Variants in AKT3 observed in about 807,000 individuals in gnomAD.
The protein encoded by AKT3 is RAC-gamma serine/threonine-protein kinase.
A neutral mutation model predicts 65.3 loss-of-function variants in AKT3; 15 were observed. The ratio of observed to expected loss-of-function variants is 0.23; its 90% CI spans 0.15 to 0.35. The LOEUF is 0.35. AKT3 is among the 10% of genes least tolerant of loss of function. The probability of loss-of-function intolerance (pLI) is 1.00; values close to 1 mark genes in which losing one functional copy is unlikely to be tolerated. For missense variants in AKT3, 243 were observed against 576.5 expected, an observed-to-expected ratio of 0.42 and a Z score of 5.92; for synonymous variants, 206 against 183.8, an observed-to-expected ratio of 1.12 and a Z score of -0.98.
intron 6 of AKT3, among the ~76,000 whole-genome samples, chr1:243,632,903 T>C (rs766841542): frequency 6.6e-6 from 1 of 152,208 alleles, no homozygotes; most frequent in Non-Finnish European, 1.5e-5. Context: ...ATTGGGAGAA[T>C]TAAGGCCTTG....
At chr1:243,576,381 G>T (rs1264071615) in intron 8 of AKT3, among the ~76,000 whole-genome samples, 11 of 152,124 alleles carry the variant, frequency 7.2e-5, no homozygotes. Context: ...GGAAATGCTG[G>T]CCAGGGCAAT....
chr1:243,497,302 G>T (rs185345657), downstream of AKT3, among the ~76,000 whole-genome samples: 1 of 136,902 alleles, frequency 7.3e-6, no homozygotes, highest in Non-Finnish European at 1.5e-5. Context: ...CTGACTGAAC[G>T]CTCACCATGG....
At chr1:243,827,331 T>C (rs1694235162) in intron 2 of AKT3, among the ~76,000 whole-genome samples, 1 of 152,184 alleles carries the variant, frequency 6.6e-6, no homozygotes, top group Non-Finnish European at 1.5e-5. Context: ...CAGCCACTTT[T>C]AATATTTTTG....
intron 3 of AKT3, among the ~76,000 whole-genome samples, chr1:243,673,764 G>A (rs1683315678): frequency 6.6e-6 from 1 of 151,938 alleles, no homozygotes; most frequent in South Asian, 2.1e-4. Context: ...ACAGGCGTGC[G>A]CCACTAGGCC....
chr1:243,683,112 T>TG (rs1684039623), intron 3 of AKT3, among the ~76,000 whole-genome samples: 1 of 152,192 alleles, frequency 6.6e-6, no homozygotes, highest in Admixed American at 6.5e-5. Context: ...GTTCATGCTG[T>TG]GGGCTCTGCC....
intron 3 of AKT3, among the ~76,000 whole-genome samples, chr1:243,674,297 A>G (rs542472370): frequency 1.3e-5 from 2 of 152,320 alleles, no homozygotes; most frequent in African/African-American, 4.8e-5. Flanking sequence ...ACCACATGAG[A>G]GAAACTTAGT....
chr1:243,814,256 T>G (rs182423202), intron 2 of AKT3, among the ~76,000 whole-genome samples: 7 of 152,280 alleles, frequency 4.6e-5, no homozygotes, highest in Admixed American at 3.3e-4. Flanking sequence ...ACTGTAAACA[T>G]TAGTAAATTG....
chr1:243,843,357 T>C, intron 1 of AKT3, 75 bp from the exon 2 acceptor site: 1 of 1,296,546 alleles, frequency 7.7e-7, no homozygotes, highest in Middle Eastern at 2.6e-4. Context: ...CAACTAATTC[T>C]TTGTAAATGT....
intron 12 of AKT3, among the ~76,000 whole-genome samples, chr1:243,538,486 G>A (rs942238835): frequency 4.0e-5 from 6 of 151,898 alleles, no homozygotes; most frequent in Non-Finnish European, 7.4e-5. Flanking sequence ...ACATTAAGTC[G>A]TATTTTCTAA....
chr1:243,697,166 AATTT>A (rs1685110839), intron 2 of AKT3, among the ~76,000 whole-genome samples: 1 of 152,040 alleles, frequency 6.6e-6, no homozygotes, highest in Non-Finnish European at 1.5e-5. Flanking sequence ...CTTGAAAATA[AATTT>A]ATTACATATA....
At chr1:243,822,287 G>C (rs980261125) in intron 2 of AKT3, among the ~76,000 whole-genome samples, 3 of 152,090 alleles carry the variant, frequency 2.0e-5, no homozygotes, top group Non-Finnish European at 2.9e-5. Context: ...AGTGTTAAGA[G>C]GGAAATTTAT....
chr1:243,816,316 T>G (rs1199337462), intron 2 of AKT3, among the ~76,000 whole-genome samples: 1 of 152,188 alleles, frequency 6.6e-6, no homozygotes, highest in Non-Finnish European at 1.5e-5. Context: ...GAGTAATTCA[T>G]AGTTTCACTA....
intron 8 of AKT3, among the ~76,000 whole-genome samples, chr1:243,603,453 T>A (rs1677162253): frequency 1.3e-5 from 2 of 152,220 alleles, no homozygotes; most frequent in Non-Finnish European, 2.9e-5. Context: ...AGGATCCTCC[T>A]TAGGCTTCTC....
chr1:243,519,630 T>A (rs1214363034), intron 12 of AKT3, among the ~76,000 whole-genome samples: 1 of 152,144 alleles, frequency 6.6e-6, no homozygotes, highest in Non-Finnish European at 1.5e-5. Flanking sequence ...TGGGAAAGCT[T>A]CACCAGAGAG....
chr1:243,657,464 A>G (rs930681597), intron 4 of AKT3, among the ~76,000 whole-genome samples: 1 of 152,202 alleles, frequency 6.6e-6, no homozygotes, highest in Non-Finnish European at 1.5e-5. Context: ...TGTACACTGA[A>G]AACTACAAAA....
At chr1:243,848,363 T>G (rs1296383406) in intron 1 of AKT3, among the ~76,000 whole-genome samples, 1 of 152,236 alleles carries the variant, frequency 6.6e-6, no homozygotes, top group African/African-American at 2.4e-5. Context: ...CTTGGAAAAC[T>G]AGTAACTTAG....
intron 8 of AKT3, among the ~76,000 whole-genome samples, chr1:243,592,084 C>T (rs1415359392): frequency 6.6e-6 from 1 of 152,034 alleles, no homozygotes; most frequent in East Asian, 1.9e-4. Context: ...ACGTGTAATC[C>T]CAGCACTTTG....
At chr1:243,507,052 T>C (rs1391260693) in intron 13 of AKT3, among the ~76,000 whole-genome samples, 1 of 152,198 alleles carries the variant, frequency 6.6e-6, no homozygotes, top group Non-Finnish European at 1.5e-5. Context: ...AAATAAACAA[T>C]TTTCCTCACC....
chr1:243,693,287 T>TATATATAC (rs1684840062), intron 3 of AKT3, among the ~76,000 whole-genome samples: 1 of 115,336 alleles, frequency 8.7e-6, no homozygotes, highest in Non-Finnish European at 1.8e-5. Flanking sequence ...TATATATATA[T>TATATATAC]ATATATAACA....
Sources: gnomAD v4.1 joint callset for allele counts (sites outside exome capture counted in the v4.1 genomes callset) on GRCh38, gnomAD v4.1.1 for gene constraint, MANE v1.5 for transcripts, NCBI Gene and HGNC (gene_info 2026-07-23, HGNC 2026-07-21) for gene names.